The following CAST variants were observed in gnomAD, a reference collection of about 807,000 sequenced individuals.
The protein encoded by CAST is MIR583 host.
In CAST, 76 loss-of-function variants were observed where a neutral mutation model predicts 119.6. That is an observed-to-expected ratio of 0.64 (90% CI 0.53 to 0.77). CAST has a LOEUF of 0.77. CAST is among the 30% of genes least tolerant of loss of function. The pLI is 0.00. For synonymous variants in CAST, 319 were observed against 331.6 expected (o/e 0.96, Z 0.41); for missense variants, 953 against 946.5 (o/e 1.01, Z -0.09).
the CAST span, among the ~76,000 whole-genome samples, chr5:96,205,761 A>G: frequency 2.0e-5 from 3 of 152,112 alleles, no homozygotes; most frequent in Admixed American, 6.6e-5. Flanking sequence ...TATTCTGAAT[A>G]GTACTTTGAC....
chr5:95,970,166 C>T, the CAST span: 1 of 152,208 alleles, frequency 6.6e-6, no homozygotes, highest in East Asian at 1.9e-4. Context: ...ATAACCACTC[C>T]TTAGGCGTTG....
intron 1 of CAST, among the ~76,000 whole-genome samples, chr5:96,624,252 C>T (rs186307902): frequency 1.3e-5 from 2 of 152,298 alleles, no homozygotes; most frequent in Admixed American, 1.3e-4. Context: ...CTACGCACAC[C>T]TCACTATGGG....
At chr5:96,074,684 TTACCCTGTAG>T in the CAST span, among the ~76,000 whole-genome samples, 1 of 152,208 alleles carries the variant, frequency 6.6e-6, no homozygotes, top group Non-Finnish European at 1.5e-5. Context: ...AAGGCATATT[TTACCCTGTAG>T]TACCTTGGCT....
At chr5:96,201,815 TC>T in the CAST span, among the ~76,000 whole-genome samples, 1 of 152,116 alleles carries the variant, frequency 6.6e-6, no homozygotes, top group South Asian at 2.1e-4. Context: ...TACTGTCCTG[TC>T]TACTTCTTTC....
At chr5:96,380,346 G>A in the CAST span, among the ~76,000 whole-genome samples, 1 of 152,094 alleles carries the variant, frequency 6.6e-6, no homozygotes, top group Admixed American at 6.6e-5. Context: ...ATAGACCCTT[G>A]AATATATGCC....
the CAST span, among the ~76,000 whole-genome samples, chr5:96,022,969 G>C: frequency 6.6e-6 from 1 of 152,118 alleles, no homozygotes; most frequent in African/African-American, 2.4e-5. Flanking sequence ...TACCTTCACA[G>C]CAACACCTAG....
chr5:96,038,868 A>G, the CAST span, among the ~76,000 whole-genome samples: 3 of 152,222 alleles, frequency 2.0e-5, no homozygotes, highest in South Asian at 2.1e-4. Flanking sequence ...ATGATTTATA[A>G]TCCTTTGGGT....
chr5:96,727,636 G>C (rs1164131199), intron 6 of CAST, 106 bp downstream of exon 6: 1 of 621,680 alleles, frequency 1.6e-6, no homozygotes, highest in Non-Finnish European at 2.7e-6. Context: ...GGGGTTGCTG[G>C]CTAATTTAAT....
the CAST span, among the ~76,000 whole-genome samples, chr5:96,497,631 A>C: frequency 6.6e-6 from 1 of 150,730 alleles, no homozygotes; most frequent in South Asian, 2.1e-4. Flanking sequence ...GCATTTTTTC[A>C]TGTGTCTTTT....
the CAST span, among the ~76,000 whole-genome samples, chr5:96,281,663 A>T: frequency 1.3e-5 from 2 of 152,216 alleles, no homozygotes; most frequent in African/African-American, 4.8e-5. Flanking sequence ...TGTCCCAAGC[A>T]GCAGATGCGC....
At chr5:96,398,795 T>C in the CAST span, 1 of 1,126,472 alleles carries the variant, frequency 8.9e-7, no homozygotes, top group Non-Finnish European at 1.4e-6. Flanking sequence ...GACTTTGTTC[T>C]ATGAATAAAC....
the CAST span, among the ~76,000 whole-genome samples, chr5:96,378,364 G>GAAAAAAAAA: frequency 6.6e-6 from 1 of 152,078 alleles, no homozygotes; most frequent in African/African-American, 2.4e-5. Flanking sequence ...AAATAAGAAT[G>GAAAAAAAAA]GTAACTATGT....
At chr5:96,179,852 C>T in the CAST span, among the ~76,000 whole-genome samples, 11 of 152,070 alleles carry the variant, frequency 7.2e-5, no homozygotes, top group East Asian at 1.9e-4. Context: ...CTGGCTAACA[C>T]GGTGGAACCT....
At chr5:96,600,692 C>T (rs1164304443) in intron 1 of CAST, among the ~76,000 whole-genome samples, 1 of 152,104 alleles carries the variant, frequency 6.6e-6, no homozygotes, top group African/African-American at 2.4e-5. Flanking sequence ...TCTGCATATC[C>T]TAATCCTCTG....
chr5:96,626,053 C>T (rs1044866860), intron 1 of CAST, among the ~76,000 whole-genome samples: 1 of 152,220 alleles, frequency 6.6e-6, no homozygotes, highest in Non-Finnish European at 1.5e-5. Flanking sequence ...CCCTCTTCCC[C>T]TTTATCCTCC....
chr5:96,596,695 C>T (rs566521950), intron 1 of CAST, among the ~76,000 whole-genome samples: 64 of 152,264 alleles, frequency 4.2e-4, no homozygotes, highest in African/African-American at 1.5e-3. Context: ...CACAGCAGCC[C>T]ACCTCGAGAT....
At chr5:96,339,261 C>T in the CAST span, among the ~76,000 whole-genome samples, 1 of 151,950 alleles carries the variant, frequency 6.6e-6, no homozygotes, top group Admixed American at 6.6e-5. Flanking sequence ...AACATACGAC[C>T]CCAAGAAACT....
At chr5:96,145,620 G>A in the CAST span, among the ~76,000 whole-genome samples, 3 of 152,154 alleles carry the variant, frequency 2.0e-5, no homozygotes, top group African/African-American at 7.2e-5. Flanking sequence ...TTGAACCAGA[G>A]AGAAATTTTT....
chr5:96,030,458 G>A, the CAST span, among the ~76,000 whole-genome samples: 1 of 152,216 alleles, frequency 6.6e-6, no homozygotes, highest in Non-Finnish European at 1.5e-5. Context: ...CTGTCGGGCA[G>A]TAGCCTGGAG....
Sources: gnomAD v4.1 joint callset for allele counts (sites outside exome capture counted in the v4.1 genomes callset) on GRCh38, gnomAD v4.1.1 for gene constraint, MANE v1.5 for transcripts, NCBI Gene and HGNC (gene_info 2026-07-23, HGNC 2026-07-21) for gene names.